The following FOXP2 variants were observed in gnomAD, a reference collection of about 807,000 sequenced individuals.
FOXP2 encodes the protein forkhead box protein P2.
A neutral mutation model predicts 115.8 loss-of-function variants in FOXP2; 12 were observed. The ratio of observed to expected loss-of-function variants is 0.10; its 90% CI spans 0.07 to 0.17. The LOEUF is 0.17. FOXP2 is among the 10% of genes least tolerant of loss of function. The pLI is 1.00. For missense variants in FOXP2, 629 were observed against 843.5 expected (o/e 0.75, Z 3.15); for synonymous variants, 328 against 297.7 (o/e 1.10, Z -1.05).
In FOXP2 at chr7:114,375,695, G is replaced by A. The variant is rs1001572374; in HGVS notation, c.-10-50807G>A. ...ATGCTGACTACAGCTGCAGCCACTT[G>A]GTTCTCCCAAGCATCGCCTCTCTCT... On this transcript the variant is annotated intron_variant, in intron 2 of 17. Transcript: ENST00000634411. Among the ~76,000 whole-genome samples, 10 of 152,180 alleles carry A rather than the reference G, an allele frequency of 6.6e-5. No homozygotes were observed. In the East Asian group the frequency reaches 1.9e-3, roughly 29 times the overall value.
intron 2 of FOXP2, among the ~76,000 whole-genome samples, chr7:114,448,451 A>C (rs571073022): frequency 3.3e-4 from 51 of 152,272 alleles, no homozygotes; most frequent in African/African-American, 1.2e-3. Context: ...ACCATAATAT[A>C]GTAAATGTAA....
At chr7:114,454,498 A>G (rs1170513318) in intron 2 of FOXP2, among the ~76,000 whole-genome samples, 3 of 151,668 alleles carry the variant, frequency 2.0e-5, no homozygotes, top group Non-Finnish European at 4.4e-5. Context: ...ATACCATTTG[A>G]CCCAGCCATC....
intron 1 of FOXP2, among the ~76,000 whole-genome samples, chr7:114,256,675 TC>T (rs1216533098): frequency 1.3e-5 from 2 of 152,238 alleles, no homozygotes; most frequent in Non-Finnish European, 1.5e-5. Context: ...GATGATAGTT[TC>T]TTTTGCTGTG....
At chr7:114,632,396 TA>T (rs1409146163) in intron 6 of FOXP2, among the ~76,000 whole-genome samples, 1 of 152,204 alleles carries the variant, frequency 6.6e-6, no homozygotes, top group African/African-American at 2.4e-5. Context: ...TGGAAAGTTT[TA>T]AATTATAAAA....
rs1804847236 is a variant in FOXP2 at position 114,630,570 on chromosome 7, A to G, written c.597+565A>G. The G allele has an allele frequency of 3.1e-5, 5 of 162,146 alleles. No individual in the cohort carries two copies. In the South Asian group the frequency reaches 6.5e-4, roughly 21 times the overall value. The allele number at this position is 162,146 out of a possible 1,614,324, so 10.0% of individuals were successfully genotyped here. ...TCAGCAAACTGCATCAAATATAAAC[A>G]TAATACAAACAAAACATGTTGAAGT... On this transcript the variant is annotated intron_variant, in intron 5 of 16. Transcript: ENST00000350908.
At chr7:114,238,154 A>G (rs926803291) in intron 1 of FOXP2, among the ~76,000 whole-genome samples, 18 of 152,222 alleles carry the variant, frequency 1.2e-4, no homozygotes, top group African/African-American at 2.9e-4. Flanking sequence ...TAGTTAAACT[A>G]TGAAATGCAG....
intron 1 of FOXP2, among the ~76,000 whole-genome samples, chr7:114,140,225 C>T (rs750044380): frequency 3.3e-5 from 5 of 152,038 alleles, no homozygotes; most frequent in Non-Finnish European, 7.4e-5. Flanking sequence ...TTCTCAACTT[C>T]TTCATTTTCC....
intron 2 of FOXP2, among the ~76,000 whole-genome samples, chr7:114,454,783 A>C (rs1195587615): frequency 7.6e-6 from 1 of 131,118 alleles, no homozygotes; most frequent in Non-Finnish European, 1.6e-5. Context: ...AAAACCAAAC[A>C]CCACATATTC....
chr7:114,342,586 G>A (rs1791244407), intron 2 of FOXP2, among the ~76,000 whole-genome samples: 1 of 151,360 alleles, frequency 6.6e-6, no homozygotes, highest in South Asian at 2.1e-4. Flanking sequence ...TTGAATAGCT[G>A]TTGTCAAACT....
chr7:114,433,174 T>C (rs114881801), intron 2 of FOXP2, among the ~76,000 whole-genome samples: 1,657 of 152,066 alleles, frequency 0.011, 33 homozygotes, highest in African/African-American at 0.035. Flanking sequence ...ATATGAAAAA[T>C]TGTAACTGCT....
chr7:114,426,633 G>C lies in FOXP2; in HGVS notation c.122G>C (p.Ser41Thr). The C allele has an allele frequency of 6.2e-7, 1 of 1,611,532 alleles. No individual in the cohort carries two copies. Among genetic ancestry groups the C allele is most frequent in the Non-Finnish European group, 8.5e-7 (1 of 1,178,326 alleles). ...SRDGRSSGDTSSEVSTVELLH... is the reference protein window; with the variant it reads ...SRDGRSSGDTTSEVSTVELLH... The stretch of plus-strand genomic sequence containing the variant: ...GATGGAAGATCAAGTGGTGACACCA[G>C]CTCTGAAGTAAGCACAGTAGAACTG... Residue 41 changes from serine to threonine, a missense_variant, in exon 2 of 17, where the codon AGC (serine) becomes ACC (threonine). By Grantham distance (58) the Ser-to-Thr change is moderately conservative (BLOSUM62 1). Around this residue, in one of 9 missense-constraint regions of FOXP2, gnomAD observed 91 missense variants for 98.3 expected, o/e 0.93. Coordinates refer to ENST00000350908, the MANE Select transcript of FOXP2 (RefSeq NM_014491.4).
intron 3 of FOXP2, among the ~76,000 whole-genome samples, chr7:114,551,077 T>A (rs1378222692): frequency 6.6e-6 from 1 of 152,176 alleles, no homozygotes; most frequent in Admixed American, 6.5e-5. Context: ...ATTGAAAAGC[T>A]AATCCACAGA....
intron 2 of FOXP2, among the ~76,000 whole-genome samples, chr7:114,456,269 G>A (rs964268084): frequency 1.3e-4 from 20 of 152,206 alleles, no homozygotes; most frequent in African/African-American, 4.8e-4. Context: ...CTAGATCACA[G>A]AGAAGTTTGA....
intron 2 of FOXP2, among the ~76,000 whole-genome samples, chr7:114,518,606 G>A (rs761900710): frequency 7.2e-5 from 11 of 152,024 alleles, no homozygotes; most frequent in South Asian, 2.1e-4. Context: ...AGGTTCAAGC[G>A]ATTCTCCTGC....
chr7:114,477,792 A>G (rs1312586143), intron 2 of FOXP2, among the ~76,000 whole-genome samples: 1 of 151,986 alleles, frequency 6.6e-6, no homozygotes, highest in Non-Finnish European at 1.5e-5. Context: ...ATTGAATTAT[A>G]CAAAGATAAT....
chr7:114,260,845 A>C (rs994662812), intron 1 of FOXP2, among the ~76,000 whole-genome samples: 15 of 144,242 alleles, frequency 1.0e-4, no homozygotes, highest in Non-Finnish European at 2.1e-4. Context: ...TAATGGCATT[A>C]AAAAAAAAAT....
chr7:114,601,793 A>G (rs1304788627), intron 3 of FOXP2, among the ~76,000 whole-genome samples: 2 of 152,136 alleles, frequency 1.3e-5, no homozygotes, highest in African/African-American at 2.4e-5. Flanking sequence ...TTAAGTTATA[A>G]CTTCATAGGG....
chr7:114,298,085 C>T (rs1796788314), intron 2 of FOXP2, among the ~76,000 whole-genome samples: 1 of 151,984 alleles, frequency 6.6e-6, no homozygotes, highest in Admixed American at 6.6e-5. Context: ...GTGAACTTGC[C>T]CTCAGGAAAT....
intron 1 of FOXP2, among the ~76,000 whole-genome samples, chr7:114,253,220 T>A (rs1163237875): frequency 1.3e-5 from 2 of 152,208 alleles, no homozygotes; most frequent in Non-Finnish European, 2.9e-5. Context: ...AAGTATGTGG[T>A]CAATTTTGGA....
Sources: allele counts gnomAD v4.1 joint callset (sites outside exome capture counted in the v4.1 genomes callset), GRCh38; gene constraint gnomAD v4.1.1; regional missense constraint gnomAD v4.1.1; transcripts MANE v1.5; gene names NCBI Gene and HGNC (gene_info 2026-07-23, HGNC 2026-07-21).